DZIP3: variants seen among roughly 807,000 people sequenced by gnomAD.
DZIP3 encodes the protein E3 ubiquitin-protein ligase DZIP3.
In DZIP3, 118 loss-of-function variants were observed where a neutral mutation model predicts 162.0. The ratio of observed to expected loss-of-function variants is 0.73; its 90% CI spans 0.63 to 0.85. The LOEUF (loss-of-function observed/expected upper bound fraction) is 0.85, where lower values mean the gene tolerates loss of function less well. DZIP3 is among the 40% of genes least tolerant of loss of function. The pLI, the probability that DZIP3 is intolerant of heterozygous loss-of-function variation, is 0.00. For synonymous variants in DZIP3, 438 were observed against 458.6 expected (o/e 0.96, Z 0.57); for missense variants, 1,331 against 1,407.0 (o/e 0.95, Z 0.86).
rs113106135 is a variant in DZIP3 at position 108,656,495 on chromosome 3, C to T, written c.2199+2185C>T. On this transcript the variant is annotated intron_variant, in intron 19 of 32. Coordinates refer to ENST00000361582, the MANE Select transcript of DZIP3 (RefSeq NM_014648.4). The stretch of plus-strand genomic sequence containing the variant: ...CATCCACACCAAAACCCCATCTGTA[C>T]GTCATCATCATCAAAGACCAAAGGC... 4.7e-3 allele frequency among the ~76,000 whole-genome samples: 720 copies of T among 152,168 alleles called. 3 individuals are homozygous for T. Among genetic ancestry groups the T allele is most frequent in the African/African-American group, 0.016 (656 of 41,506 alleles).
chr3:108,642,833 A>G (rs141036348), intron 13 of DZIP3, among the ~76,000 whole-genome samples: 2 of 152,252 alleles, frequency 1.3e-5, no homozygotes, highest in African/African-American at 4.8e-5. Context: ...TTCCTTCTTA[A>G]TAGAGCAAGC....
intron 1 of DZIP3, among the ~76,000 whole-genome samples, chr3:108,595,428 G>T (rs566314366): frequency 1.2e-3 from 177 of 152,114 alleles, no homozygotes; most frequent in South Asian, 2.7e-3. Flanking sequence ...ATGTTGCCTA[G>T]GCTGGACTCA....
intron 22 of DZIP3, among the ~76,000 whole-genome samples, chr3:108,671,755 A>G (rs1242901025): frequency 6.6e-6 from 1 of 151,206 alleles, no homozygotes; most frequent in Non-Finnish European, 1.5e-5. Flanking sequence ...TTTATTTATT[A>G]GTGCTTATTA....
At chr3:108,634,842 A>C in intron 9 of DZIP3, 29 bp from the exon 10 acceptor site, 1 of 1,458,644 alleles carries the variant, frequency 6.9e-7, no homozygotes, top group Non-Finnish European at 9.5e-7. Context: ...CCATGTCCTT[A>C]TTGATAACTT....
At position 108,644,742 on chromosome 3, in the gene DZIP3, C is replaced by T. The variant is rs769180270; in HGVS notation, c.1720C>T (p.Pro574Ser). 1 of 1,607,796 alleles carries T rather than the reference C, an allele frequency of 6.2e-7. No individual in the cohort carries two copies. Among genetic ancestry groups the T allele is most frequent in the South Asian group, 1.1e-5 (1 of 91,070 alleles). Reference sequence around the variant, plus strand: ...ATCTGTCTACCTAGGCATACCAGTACCAGAAATCATACAGAGGATGTTATC... The same window carrying T: ...ATCTGTCTACCTAGGCATACCAGTATCAGAAATCATACAGAGGATGTTATC... The part of the protein sequence containing the change: ...QLSVYLGIPV[P>S]EIIQRMLSCY... The change falls in exon 14 of 33, where the codon CCA becomes TCA. Residue 574 changes from proline to serine, a missense_variant. Transcript: ENST00000361582.
chr3:108,612,921 A>G (rs1300686524), intron 4 of DZIP3, among the ~76,000 whole-genome samples: 1 of 152,180 alleles, frequency 6.6e-6, no homozygotes, highest in Non-Finnish European at 1.5e-5. Flanking sequence ...TAAGAAATGT[A>G]CAAGATAAAC....
chr3:108,694,768 A>G lies in DZIP3; in HGVS notation c.*1415A>G, dbSNP rs1944809473. ...ATATAGCTAGTTATCTTGTAAAACC[A>G]ATGTTTCTTAGTTCATACTTACAAC... On this transcript the variant is annotated 3_prime_UTR_variant, in exon 33 of 33. Transcript: ENST00000361582. 6.6e-6 allele frequency: 1 copy of G among 152,320 alleles called. No individual in the cohort carries two copies. The highest frequency in any genetic ancestry group is 2.4e-5 in the African/African-American group (1 of 41,568). 9.4% of individuals were successfully genotyped at this position (152,320 alleles called of 1,614,324 possible).
At position 108,642,559 on chromosome 3, in the gene DZIP3, A is replaced by C. The variant is rs778423853; in HGVS notation, c.1141+45A>C. The stretch of plus-strand genomic sequence containing the variant: ...TGCCTTCTGTTGAAAAGTATGTTAA[A>C]ATTTTTGACTTCTCTGTCAACTTTC... On this transcript the variant is annotated intron_variant, in intron 13 of 32. Transcript: ENST00000361582. The C allele has an allele frequency of 5.7e-6, 8 of 1,403,006 alleles. No individual in the cohort carries two copies. In the African/African-American group the frequency reaches 1.0e-4, roughly 18 times the overall value. 86.9% of individuals were successfully genotyped at this position (1,403,006 alleles called of 1,614,324 possible).
intron 8 of DZIP3, among the ~76,000 whole-genome samples, chr3:108,629,860 T>C (rs1485252544): frequency 2.0e-5 from 3 of 151,702 alleles, no homozygotes; most frequent in Admixed American, 1.3e-4. Context: ...TAGACTATTA[T>C]ACAATGCGAT....
At position 108,605,449 on chromosome 3, in the gene DZIP3, A is replaced by G. The variant is rs1159535509; in HGVS notation, c.32+11A>G. 1 of 1,613,136 alleles carries G rather than the reference A, an allele frequency of 6.2e-7. No individual in the cohort carries two copies. Among genetic ancestry groups the G allele is most frequent in the East Asian group, 2.2e-5 (1 of 44,820 alleles). On this transcript the variant is annotated intron_variant, in intron 2 of 32. Coordinates refer to ENST00000361582, the MANE Select transcript of DZIP3 (RefSeq NM_014648.4). ...TGAATTTTTTGTGAGGTAAGGCCAC[A>G]GTCCCCAACCTTTTTGGCACCATGG...
intron 4 of DZIP3, among the ~76,000 whole-genome samples, chr3:108,613,646 A>G (rs1940844094): frequency 6.6e-6 from 1 of 152,206 alleles, no homozygotes; most frequent in African/African-American, 2.4e-5. Context: ...TCTAATTGAG[A>G]CACACATGTA....
At chr3:108,685,854 T>C (rs2107422706) in intron 27 of DZIP3, among the ~76,000 whole-genome samples, 1 of 152,336 alleles carries the variant, frequency 6.6e-6, no homozygotes. Context: ...TTACGCATTG[T>C]AATTTACAGA....
chr3:108,691,812 C>A (rs1371782703), intron 32 of DZIP3, among the ~76,000 whole-genome samples: 9 of 152,182 alleles, frequency 5.9e-5, no homozygotes, highest in Non-Finnish European at 1.0e-4. Context: ...ACCACTCATA[C>A]CTGCATAAGT....
intron 1 of DZIP3, among the ~76,000 whole-genome samples, chr3:108,594,194 A>AT (rs1293325117): frequency 2.0e-5 from 3 of 151,846 alleles, no homozygotes; most frequent in Non-Finnish European, 2.9e-5. Flanking sequence ...GGGTTTGTCC[A>AT]TTTTATTCAG....
At position 108,674,125 on chromosome 3, in the gene DZIP3, G is replaced by A. The variant is rs769117565; in HGVS notation, c.2637G>A (p.Glu879=). 3 of 1,612,372 alleles carry A rather than the reference G, an allele frequency of 1.9e-6. No individual in the cohort carries two copies. Among genetic ancestry groups the A allele is most frequent in the Non-Finnish European group, 2.5e-6 (3 of 1,178,948 alleles). The change falls in exon 24 of 33, where the codon GAG becomes GAA. Residue 879 remains glutamate, a synonymous_variant. Coordinates refer to ENST00000361582, the MANE Select transcript of DZIP3 (RefSeq NM_014648.4). ...CRRDFGLLHL[E]QTEKECLNQL... is the part of the protein sequence containing the mutation. ...GGGATTTTGGTTTGCTTCATCTAGAGCAGACTGAAAAGGAATGTCTCAATC... is the reference window on the plus strand; with the variant it reads ...GGGATTTTGGTTTGCTTCATCTAGAACAGACTGAAAAGGAATGTCTCAATC...
In DZIP3 at chr3:108,677,482, G is replaced by C. The variant is rs1944156036; in HGVS notation, c.2782-15G>C. The C allele has an allele frequency of 1.2e-6, 2 of 1,608,276 alleles. No homozygotes were observed. The highest frequency in any genetic ancestry group is 1.7e-6 in the Non-Finnish European group (2 of 1,175,742). ...TTGGTTGTTCTCTAAAGTATTTTTA[G>C]TCTTCTTCTACCAGACACAGTACAA... On this transcript the variant is annotated splice_polypyrimidine_tract_variant and intron_variant, in intron 25 of 32. Coordinates refer to ENST00000361582, the MANE Select transcript of DZIP3 (RefSeq NM_014648.4).
In DZIP3 at chr3:108,675,767, G is replaced by C. The variant is rs757521529; in HGVS notation, c.2694-19G>C. On this transcript the variant is annotated intron_variant, in intron 24 of 32. Coordinates refer to ENST00000361582, the MANE Select transcript of DZIP3 (RefSeq NM_014648.4). ...ATAAAAAGAAAGAGTTTTCTTTTGTGTCTCCTTTTCTACAACAGCAACCTA... is the reference window on the plus strand; with the variant it reads ...ATAAAAAGAAAGAGTTTTCTTTTGTCTCTCCTTTTCTACAACAGCAACCTA... 1 of 1,584,350 alleles carries C rather than the reference G, an allele frequency of 6.3e-7. No homozygotes were observed. The highest frequency in any genetic ancestry group is 1.2e-5 in the South Asian group (1 of 85,968).
At chr3:108,609,426 G>C (rs568890274) in intron 3 of DZIP3, among the ~76,000 whole-genome samples, 4 of 152,290 alleles carry the variant, frequency 2.6e-5, no homozygotes, top group African/African-American at 9.6e-5. Flanking sequence ...TCTAGATGCA[G>C]AATCAGGAAT....
rs1357004355 is a variant in DZIP3 at position 108,688,077 on chromosome 3, T to C, written c.3251T>C (p.Ile1084Thr). Reference protein sequence around the residue: ...DEIVCKISQFIDPKKSQSQGK... With the variant: ...DEIVCKISQFTDPKKSQSQGK... Reference sequence around the variant, plus strand: ...ATTGTTTGCAAGATTTCCCAGTTTATTGACCCCAAAAAGTCTCAGGTAAAA... The same window carrying C: ...ATTGTTTGCAAGATTTCCCAGTTTACTGACCCCAAAAAGTCTCAGGTAAAA... Residue 1084 changes from isoleucine (I) to threonine (T), a missense_variant, in exon 29 of 33, where the codon ATT (isoleucine) becomes ACT (threonine). Coordinates refer to ENST00000361582, the MANE Select transcript of DZIP3 (RefSeq NM_014648.4). The C allele has an allele frequency of 6.2e-7, 1 of 1,613,586 alleles. No individual in the cohort carries two copies. The highest frequency in any genetic ancestry group is 8.5e-7 in the Non-Finnish European group (1 of 1,179,680).
Sources: gnomAD v4.1 joint callset for allele counts (sites outside exome capture counted in the v4.1 genomes callset) on GRCh38, gnomAD v4.1.1 for gene constraint, MANE v1.5 for transcripts, NCBI Gene and HGNC (gene_info 2026-07-23, HGNC 2026-07-21) for gene names.